The following GRM7 variants were observed in gnomAD, a reference collection of about 807,000 sequenced individuals.
GRM7 encodes the protein metabotropic glutamate receptor 7.
GRM7 carries 35 observed loss-of-function variants against 84.5 expected under a neutral mutation model. That is an observed-to-expected ratio of 0.41 (90% CI 0.32 to 0.55). The LOEUF (loss-of-function observed/expected upper bound fraction) is 0.55, where lower values mean the gene tolerates loss of function less well. Ranked by LOEUF, GRM7 falls within the 20% of genes least tolerant of loss-of-function variation. The pLI is 0.19. For synonymous variants in GRM7, 487 were observed against 455.1 expected, an observed-to-expected ratio of 1.07 and a Z score of -0.89; for missense variants, 1,003 against 1,194.6, an observed-to-expected ratio of 0.84 and a Z score of 2.36.
chr3:7,416,677 A>G (rs370688818), intron 5 of GRM7, among the ~76,000 whole-genome samples: 427 of 152,290 alleles, frequency 2.8e-3, no homozygotes, highest in African/African-American at 0.01. Flanking sequence ...GGTATCATTC[A>G]GTCAACTGGA....
At chr3:7,536,214 A>G (rs938511337) in intron 7 of GRM7, among the ~76,000 whole-genome samples, 1 of 152,150 alleles carries the variant, frequency 6.6e-6, no homozygotes, top group African/African-American at 2.4e-5. Context: ...TAAGTTTGAG[A>G]TCACTTATCA....
At position 7,512,817 on chromosome 3, in the gene GRM7, G is replaced by A. The variant is rs541628302; in HGVS notation, c.1515+51095G>A. 7.9e-5 allele frequency among the ~76,000 whole-genome samples: 12 copies of A among 152,248 alleles called. No individual in the cohort carries two copies. The East Asian group carries it at 1.7e-3, about 22-fold the overall frequency. On this transcript the variant is annotated intron_variant, in intron 7 of 9. Transcript: ENST00000357716. ...GGAGAAGACAGACGTTTTTGGGGGA[G>A]TGCAGAAGGGAAAGGAGGGGAGACA...
intron 4 of GRM7, among the ~76,000 whole-genome samples, chr3:7,322,506 C>A (rs1281439063): frequency 6.6e-6 from 1 of 151,832 alleles, no homozygotes; most frequent in Non-Finnish European, 1.5e-5. Context: ...CCTGTCACCC[C>A]AACAGTGTAC....
chr3:7,268,859 C>G (rs1698744140), intron 2 of GRM7, among the ~76,000 whole-genome samples: 1 of 152,138 alleles, frequency 6.6e-6, no homozygotes, highest in Non-Finnish European at 1.5e-5. Context: ...GCATGAAGTG[C>G]TGTTTTGGTT....
intron 1 of GRM7, among the ~76,000 whole-genome samples, chr3:7,092,466 T>C (rs187752844): frequency 4.6e-5 from 7 of 152,286 alleles, no homozygotes; most frequent in East Asian, 1.9e-4. Context: ...TTCTACAAAA[T>C]GGTTTATTGG....
At chr3:7,397,604 C>T (rs149075898) in intron 4 of GRM7, among the ~76,000 whole-genome samples, 6 of 152,210 alleles carry the variant, frequency 3.9e-5, no homozygotes. Context: ...AGGTAATGCA[C>T]ACTCCAATTA....
At chr3:7,394,322 T>C (rs557167117) in intron 4 of GRM7, among the ~76,000 whole-genome samples, 25 of 152,324 alleles carry the variant, frequency 1.6e-4, no homozygotes, top group African/African-American at 5.5e-4. Flanking sequence ...TTCACAAAGA[T>C]ACTGTAAAAG....
intron 4 of GRM7, among the ~76,000 whole-genome samples, chr3:7,360,703 A>G (rs1288905011): frequency 6.6e-6 from 1 of 152,104 alleles, no homozygotes; most frequent in Non-Finnish European, 1.5e-5. Flanking sequence ...ATCAATCTGT[A>G]AGGTTTCCTG....
chr3:7,445,360 A>T (rs1470559459), intron 5 of GRM7, among the ~76,000 whole-genome samples: 1 of 152,170 alleles, frequency 6.6e-6, no homozygotes, highest in Non-Finnish European at 1.5e-5. Context: ...CAAGAAACGG[A>T]AGACAAATGG....
chr3:7,128,621 C>T (rs1693484693), intron 1 of GRM7, among the ~76,000 whole-genome samples: 1 of 132,810 alleles, frequency 7.5e-6, no homozygotes, highest in African/African-American at 2.9e-5. Flanking sequence ...ATTCTCTTGC[C>T]TCAGCCTCTC....
chr3:7,253,670 T>C lies in GRM7; in HGVS notation c.737-45014T>C, dbSNP rs139852208. ...AAATTCTCACAGCATCCTTATGAGG[T>C]AGGTACTATTTGTTTTCCCACCTTA... On this transcript the variant is annotated intron_variant, in intron 2 of 9. Transcript: ENST00000357716. Among the ~76,000 whole-genome samples, 245 of 145,598 alleles carry C rather than the reference T, an allele frequency of 1.7e-3. 2 individuals are homozygous for C. The highest frequency in any genetic ancestry group is 0.015 in the Middle Eastern group (4 of 270).
intron 7 of GRM7, among the ~76,000 whole-genome samples, chr3:7,548,220 T>G (rs1414396023): frequency 6.6e-6 from 1 of 152,116 alleles, no homozygotes; most frequent in East Asian, 1.9e-4. Flanking sequence ...AGGTAATGAG[T>G]GAATGTCAGC....
intron 4 of GRM7, among the ~76,000 whole-genome samples, chr3:7,337,846 G>A (rs1701480654): frequency 6.6e-6 from 1 of 151,952 alleles, no homozygotes; most frequent in Admixed American, 6.6e-5. Context: ...AAACTGTATG[G>A]AGATTTCTTA....
intron 2 of GRM7, among the ~76,000 whole-genome samples, chr3:7,243,740 A>C (rs531787441): frequency 2.6e-5 from 4 of 152,090 alleles, no homozygotes; most frequent in Non-Finnish European, 4.4e-5. Flanking sequence ...CAATTTCATC[A>C]TTGTGTGAGC....
chr3:7,410,374 T>C (rs537443442), intron 4 of GRM7, among the ~76,000 whole-genome samples: 2 of 151,942 alleles, frequency 1.3e-5, no homozygotes, highest in Non-Finnish European at 2.9e-5. Context: ...GGTTTGAGAC[T>C]AGCCTGTGAA....
chr3:7,526,453 C>A (rs1292543545), intron 7 of GRM7, among the ~76,000 whole-genome samples: 1 of 152,066 alleles, frequency 6.6e-6, no homozygotes, highest in African/African-American at 2.4e-5. Context: ...GCATAGTTTA[C>A]AAATACTTTC....
intron 9 of GRM7, among the ~76,000 whole-genome samples, chr3:7,696,228 T>C (rs1210670241): frequency 6.6e-6 from 1 of 152,198 alleles, no homozygotes; most frequent in East Asian, 1.9e-4. Context: ...GCCATTTACA[T>C]TGTAGAGTGT....
At chr3:7,245,784 A>C (rs1431395101) in intron 2 of GRM7, among the ~76,000 whole-genome samples, 1 of 152,106 alleles carries the variant, frequency 6.6e-6, no homozygotes, top group African/African-American at 2.4e-5. Context: ...ATCCTTGTCT[A>C]TTTTTTTCTA....
chr3:6,897,431 T>C (rs931416100), intron 1 of GRM7, among the ~76,000 whole-genome samples: 11 of 152,190 alleles, frequency 7.2e-5, no homozygotes, highest in African/African-American at 2.7e-4. Flanking sequence ...AGTTTAGATC[T>C]AGAGCTTAAG....
Sources: gnomAD v4.1 joint callset for allele counts (sites outside exome capture counted in the v4.1 genomes callset) on GRCh38, gnomAD v4.1.1 for gene constraint, MANE v1.5 for transcripts, NCBI Gene and HGNC (gene_info 2026-07-23, HGNC 2026-07-21) for gene names.